The following DPYD variants were observed in gnomAD, a reference collection of about 807,000 sequenced individuals.
The protein encoded by DPYD is dihydropyrimidine dehydrogenase [NADP(+)].
DPYD carries 109 observed loss-of-function variants against 116.2 expected under a neutral mutation model. The observed-to-expected ratio is 0.94, with a 90% CI of 0.80 to 1.10. DPYD has a LOEUF of 1.10. DPYD is among the 50% of genes least tolerant of loss of function. The pLI is 0.00. For missense variants in DPYD, 1,302 were observed against 1,254.5 expected (o/e 1.04, Z -0.57); for synonymous variants, 440 against 432.0 (o/e 1.02, Z -0.23).
intron 19 of DPYD, among the ~76,000 whole-genome samples, chr1:97,197,860 G>A (rs1658923012): frequency 6.6e-6 from 1 of 152,132 alleles, no homozygotes; most frequent in African/African-American, 2.4e-5. Flanking sequence ...AGCAAGACTG[G>A]GATAGTGTGC....
intron 13 of DPYD, among the ~76,000 whole-genome samples, chr1:97,485,527 C>G (rs1168993478): frequency 6.6e-6 from 1 of 152,042 alleles, no homozygotes; most frequent in Non-Finnish European, 1.5e-5. Context: ...TAGAACTTCT[C>G]ATTGTATTTT....
intron 14 of DPYD, among the ~76,000 whole-genome samples, chr1:97,391,615 A>G (rs1672709498): frequency 6.6e-6 from 1 of 152,046 alleles, no homozygotes; most frequent in Admixed American, 6.6e-5. Context: ...TTTTCCAAAT[A>G]TCTCCAGGTT....
At chr1:97,672,876 T>C (rs1156670173) in intron 8 of DPYD, among the ~76,000 whole-genome samples, 2 of 152,186 alleles carry the variant, frequency 1.3e-5, no homozygotes, top group Admixed American at 1.3e-4. Context: ...GTTATTTGTC[T>C]GTTATAATAT....
chr1:97,470,899 A>C (rs1433057535), intron 13 of DPYD, among the ~76,000 whole-genome samples: 3 of 152,100 alleles, frequency 2.0e-5, no homozygotes, highest in Non-Finnish European at 2.9e-5. Context: ...CTGAGGCAGG[A>C]GAATAGCTTG....
chr1:97,340,332 C>T (rs967383053), intron 16 of DPYD, among the ~76,000 whole-genome samples: 12 of 151,948 alleles, frequency 7.9e-5, no homozygotes, highest in Non-Finnish European at 1.0e-4. Flanking sequence ...AAGCTATATG[C>T]ATAAACTATA....
Position 97,486,243 on chromosome 1 carries a change from G to A in DPYD, c.1740+29483C>T, listed in dbSNP as rs115865836. ...CAGTTGTGATTTACTTGTAAAATAT[G>A]TAAGGATAGAATCTATTTGAGTACA... On this transcript the variant is annotated intron_variant, in intron 13 of 22. Transcript: ENST00000370192. Among the ~76,000 whole-genome samples, 391 of 152,282 alleles carry A rather than the reference G, an allele frequency of 2.6e-3. 1 individual carries two copies. Among genetic ancestry groups the A allele is most frequent in the African/African-American group, 9.0e-3 (373 of 41,556 alleles).
At chr1:97,353,148 AT>A (rs1670237946) in intron 16 of DPYD, among the ~76,000 whole-genome samples, 1 of 152,160 alleles carries the variant, frequency 6.6e-6, no homozygotes, top group Admixed American at 6.5e-5. Flanking sequence ...CAAATAATGG[AT>A]TTTCTAACAC....
intron 22 of DPYD, 50 bp from the exon 23 acceptor site, chr1:97,079,196 A>G (rs1316899835): frequency 6.2e-7 from 1 of 1,601,530 alleles, no homozygotes; most frequent in Non-Finnish European, 8.5e-7. Flanking sequence ...AAAGGTCAAC[A>G]ATGTCCCCAT....
At chr1:97,697,238 G>T (rs991480975) in intron 6 of DPYD, among the ~76,000 whole-genome samples, 1 of 151,848 alleles carries the variant, frequency 6.6e-6, no homozygotes, top group African/African-American at 2.4e-5. Context: ...TTAAATCCTA[G>T]ATATTTTTCA....
chr1:97,842,028 T>C (rs1255612291), intron 2 of DPYD, among the ~76,000 whole-genome samples: 1 of 151,818 alleles, frequency 6.6e-6, no homozygotes, highest in Non-Finnish European at 1.5e-5. Context: ...AGATATTGCC[T>C]TTTGTGGGCT....
chr1:97,443,836 GC>G (rs1675934775), intron 14 of DPYD, among the ~76,000 whole-genome samples: 1 of 152,196 alleles, frequency 6.6e-6, no homozygotes, highest in Non-Finnish European at 1.5e-5. Context: ...AGAAATAGAA[GC>G]CTACTTTTGC....
chr1:97,748,121 G>C (rs1664658746), intron 3 of DPYD, among the ~76,000 whole-genome samples: 1 of 152,068 alleles, frequency 6.6e-6, no homozygotes, highest in Non-Finnish European at 1.5e-5. Flanking sequence ...ATATACATAT[G>C]CTTTAAGGGT....
At chr1:97,565,986 C>T (rs1652490820) in intron 11 of DPYD, among the ~76,000 whole-genome samples, 1 of 152,126 alleles carries the variant, frequency 6.6e-6, no homozygotes, top group Admixed American at 6.6e-5. Context: ...TTTAAAATGA[C>T]TGTAAAATGA....
intron 21 of DPYD, among the ~76,000 whole-genome samples, chr1:97,089,684 C>T (rs562196839): frequency 3.4e-5 from 5 of 147,688 alleles, no homozygotes; most frequent in Non-Finnish European, 7.6e-5. Context: ...ATGGGCCATA[C>T]GCATGGTAAA....
At chr1:97,834,318 G>A (rs1243846212) in intron 2 of DPYD, among the ~76,000 whole-genome samples, 1 of 151,804 alleles carries the variant, frequency 6.6e-6, no homozygotes, top group Non-Finnish European at 1.5e-5. Context: ...ATGGGTGCTA[G>A]ATAGTATGCT....
At chr1:97,174,756 T>TA (rs1220511928) in intron 20 of DPYD, among the ~76,000 whole-genome samples, 2 of 152,134 alleles carry the variant, frequency 1.3e-5, no homozygotes, top group Non-Finnish European at 1.5e-5. Context: ...TTGCATTTCT[T>TA]AAAAAAATTA....
chr1:97,476,150 T>A (rs929983819), intron 13 of DPYD, among the ~76,000 whole-genome samples: 10 of 152,172 alleles, frequency 6.6e-5, no homozygotes, highest in Admixed American at 6.6e-4. Context: ...CTGGGGACAC[T>A]GAAAGTGGTG....
intron 12 of DPYD, among the ~76,000 whole-genome samples, chr1:97,535,242 C>T (rs910125439): frequency 3.9e-5 from 6 of 152,254 alleles, no homozygotes; most frequent in African/African-American, 1.2e-4. Context: ...CAGAAGAACA[C>T]AATTCTGGTC....
intron 18 of DPYD, among the ~76,000 whole-genome samples, chr1:97,253,673 T>C (rs1663257945): frequency 6.6e-6 from 1 of 152,128 alleles, no homozygotes; most frequent in Non-Finnish European, 1.5e-5. Context: ...CTTTGACAAA[T>C]TCTTAAAATA....
Sources: allele counts gnomAD v4.1 joint callset (sites outside exome capture counted in the v4.1 genomes callset), GRCh38; gene constraint gnomAD v4.1.1; transcripts MANE v1.5; gene names NCBI Gene and HGNC (gene_info 2026-07-23, HGNC 2026-07-21).